The following RANBP2 variants were observed in gnomAD, a reference collection of about 807,000 sequenced individuals.
RANBP2 encodes the protein E3 SUMO-protein ligase RanBP2.
RANBP2 carries 57 observed loss-of-function variants against 303.6 expected under a neutral mutation model. The observed-to-expected ratio is 0.19, with a 90% CI of 0.15 to 0.23. The LOEUF (loss-of-function observed/expected upper bound fraction) is 0.23. Ranked by LOEUF, RANBP2 falls within the 10% of genes least tolerant of loss-of-function variation. The probability of loss-of-function intolerance (pLI) is 1.00; values close to 1 mark genes in which losing one functional copy is unlikely to be tolerated. For synonymous variants in RANBP2, 1,167 were observed against 1,301.5 expected, an observed-to-expected ratio of 0.90 and a Z score of 2.23; for missense variants, 3,138 against 3,780.8, an observed-to-expected ratio of 0.83 and a Z score of 4.46.
the RANBP2 span, among the ~76,000 whole-genome samples, chr2:108,802,105 G>A: frequency 4.1e-3 from 596 of 143,630 alleles, 1 homozygote; most frequent in African/African-American, 0.014. Context: ...TTGACTTGGC[G>A]ATGCGGGCTC....
the RANBP2 span, among the ~76,000 whole-genome samples, chr2:109,093,934 G>A: frequency 2.0e-5 from 3 of 152,352 alleles, no homozygotes; most frequent in African/African-American, 7.2e-5. Flanking sequence ...GGAATTGAAA[G>A]AGAATATATC....
At chr2:108,824,093 G>A in the RANBP2 span, among the ~76,000 whole-genome samples, 1 of 152,104 alleles carries the variant, frequency 6.6e-6, no homozygotes, top group Admixed American at 6.6e-5. Flanking sequence ...GAGTGAGTGT[G>A]AAAGTCTAAG....
the RANBP2 span, among the ~76,000 whole-genome samples, chr2:108,808,904 C>T: frequency 2.6e-5 from 4 of 152,056 alleles, no homozygotes; most frequent in African/African-American, 4.8e-5. Flanking sequence ...AGGCGATTGT[C>T]GTGAACTATT....
chr2:109,548,449 C>T, the RANBP2 span, among the ~76,000 whole-genome samples: 16 of 152,060 alleles, frequency 1.1e-4, no homozygotes, highest in Middle Eastern at 3.4e-3. Flanking sequence ...CATTGGCTCA[C>T]GGAGGTTTAC....
the RANBP2 span, among the ~76,000 whole-genome samples, chr2:109,002,095 C>T: frequency 6.6e-6 from 1 of 152,196 alleles, no homozygotes; most frequent in Non-Finnish European, 1.5e-5. Context: ...TGGTGGCTGC[C>T]ATTTGCTGCC....
chr2:109,277,558 C>T, the RANBP2 span, among the ~76,000 whole-genome samples: 1 of 152,312 alleles, frequency 6.6e-6, no homozygotes, highest in African/African-American at 2.4e-5. Flanking sequence ...AAGTGCCTCC[C>T]TGAGACTTAC....
At chr2:109,371,917 C>G in the RANBP2 span, among the ~76,000 whole-genome samples, 3 of 152,214 alleles carry the variant, frequency 2.0e-5, no homozygotes, top group Non-Finnish European at 4.4e-5. Context: ...CAAGTCATCT[C>G]ACCACGTGGG....
At chr2:109,199,329 A>AAT in the RANBP2 span, among the ~76,000 whole-genome samples, 6 of 1,074 alleles carry the variant, frequency 5.6e-3, no homozygotes, top group South Asian at 0.026. Flanking sequence ...CTCAAAAAGT[A>AAT]AAATGGAATG....
the RANBP2 span, among the ~76,000 whole-genome samples, chr2:108,905,268 T>C: frequency 6.6e-6 from 1 of 152,060 alleles, no homozygotes; most frequent in East Asian, 1.9e-4. Context: ...CAACATTTTT[T>C]GGAACAGAGA....
the RANBP2 span, among the ~76,000 whole-genome samples, chr2:108,875,327 AAAAAAAAAAG>A: frequency 2.7e-4 from 39 of 145,004 alleles, 1 homozygote; most frequent in East Asian, 0.032. Flanking sequence ...AATAAAAAAA[AAAAAAAAAAG>A]AAACAAATTC....
At chr2:109,577,869 C>T in the RANBP2 span, among the ~76,000 whole-genome samples, 1 of 140,584 alleles carries the variant, frequency 7.1e-6, no homozygotes, top group Admixed American at 7.5e-5. Context: ...GCCGAGATTG[C>T]ACCACTGCAC....
chr2:109,267,800 C>T, the RANBP2 span, among the ~76,000 whole-genome samples: 1 of 152,192 alleles, frequency 6.6e-6, no homozygotes, highest in Non-Finnish European at 1.5e-5. Context: ...GAGTCAAGCC[C>T]TGTTGGGGAG....
chr2:109,215,837 T>C, the RANBP2 span, among the ~76,000 whole-genome samples: 1 of 152,196 alleles, frequency 6.6e-6, no homozygotes, highest in Non-Finnish European at 1.5e-5. Context: ...GTTCCTTTTC[T>C]TTCTTCTGAC....
At chr2:108,799,596 T>C in the RANBP2 span, among the ~76,000 whole-genome samples, 1 of 152,256 alleles carries the variant, frequency 6.6e-6, no homozygotes, top group Non-Finnish European at 1.5e-5. Flanking sequence ...TTATTTACAG[T>C]GTTTCTTGAC....
chr2:109,355,114 T>C, the RANBP2 span, among the ~76,000 whole-genome samples: 26 of 152,314 alleles, frequency 1.7e-4, no homozygotes, highest in East Asian at 5.0e-3. Flanking sequence ...CGGCATTTGG[T>C]GTATTTTCAA....
chr2:109,107,273 C>T, the RANBP2 span, among the ~76,000 whole-genome samples: 11 of 151,112 alleles, frequency 7.3e-5, no homozygotes, highest in Non-Finnish European at 1.6e-4. Context: ...TAAAAGAACG[C>T]TGGAGACCAT....
chr2:108,929,116 T>C, the RANBP2 span: 12 of 1,529,966 alleles, frequency 7.8e-6, no homozygotes, highest in East Asian at 2.0e-4. Flanking sequence ...CCATGACCCC[T>C]GTTCCCAAGG....
At chr2:109,211,273 G>A in the RANBP2 span, among the ~76,000 whole-genome samples, 1 of 152,228 alleles carries the variant, frequency 6.6e-6, no homozygotes. Flanking sequence ...GGGATGTCCT[G>A]CCATTTGCAG....
At chr2:108,957,992 T>C in the RANBP2 span, among the ~76,000 whole-genome samples, 1 of 152,190 alleles carries the variant, frequency 6.6e-6, no homozygotes, top group Non-Finnish European at 1.5e-5. Context: ...CAAAAAATGT[T>C]TGTCTTTAAG....
Sources: gnomAD v4.1 joint callset for allele counts (sites outside exome capture counted in the v4.1 genomes callset) on GRCh38, gnomAD v4.1.1 for gene constraint, MANE v1.5 for transcripts, NCBI Gene and HGNC (gene_info 2026-07-23, HGNC 2026-07-21) for gene names.